The following HS3ST4 variants were observed in gnomAD, a reference collection of about 807,000 sequenced individuals.
HS3ST4 encodes the protein heparan sulfate glucosamine 3-O-sulfotransferase 4.
A neutral mutation model predicts 29.2 loss-of-function variants in HS3ST4; 17 were observed. That is an observed-to-expected ratio of 0.58 (90% CI 0.40 to 0.87). The LOEUF (loss-of-function observed/expected upper bound fraction) is 0.87. Ranked by LOEUF, HS3ST4 falls within the 40% of genes least tolerant of loss-of-function variation. HS3ST4 has a pLI of 0.00. For missense variants in HS3ST4, 627 were observed against 634.5 expected, an observed-to-expected ratio of 0.99 and a Z score of 0.13; for synonymous variants, 314 against 285.7, an observed-to-expected ratio of 1.10 and a Z score of -1.00.
chr16:25,925,150 C>G (rs1328661801), intron 1 of HS3ST4, among the ~76,000 whole-genome samples: 1 of 151,078 alleles, frequency 6.6e-6, no homozygotes, highest in East Asian at 1.9e-4. Flanking sequence ...ACACTGAGCT[C>G]CTACTTCTAC....
intron 1 of HS3ST4, among the ~76,000 whole-genome samples, chr16:26,040,001 A>G (rs1338153320): frequency 6.6e-6 from 1 of 152,224 alleles, no homozygotes; most frequent in Non-Finnish European, 1.5e-5. Context: ...AGACACCTAA[A>G]TGGGAAATGG....
chr16:25,986,071 C>A (rs1477794180), intron 1 of HS3ST4, among the ~76,000 whole-genome samples: 1 of 152,070 alleles, frequency 6.6e-6, no homozygotes, highest in Admixed American at 6.6e-5. Flanking sequence ...TCTACCCATC[C>A]TCTTGGTTTT....
At chr16:26,128,002 C>T (rs1055924154) in intron 1 of HS3ST4, among the ~76,000 whole-genome samples, 5 of 152,072 alleles carry the variant, frequency 3.3e-5, no homozygotes, top group African/African-American at 9.7e-5. Flanking sequence ...TCCCCTTCTC[C>T]TCCCATTCTT....
At chr16:25,853,221 A>C (rs551941123) in intron 1 of HS3ST4, among the ~76,000 whole-genome samples, 1 of 152,024 alleles carries the variant, frequency 6.6e-6, no homozygotes, top group Admixed American at 6.6e-5. Flanking sequence ...TGATTTTCGT[A>C]TGTTTATTTC....
intron 1 of HS3ST4, among the ~76,000 whole-genome samples, chr16:25,926,695 G>A (rs1015228043): frequency 2.0e-5 from 3 of 152,172 alleles, no homozygotes; most frequent in African/African-American, 2.4e-5. Context: ...AGACTGGGGC[G>A]AAGAAAAGAA....
chr16:25,716,574 G>A (rs1314207815), intron 1 of HS3ST4, among the ~76,000 whole-genome samples: 1 of 152,188 alleles, frequency 6.6e-6, no homozygotes, highest in African/African-American at 2.4e-5. Context: ...GGCTAAGACA[G>A]GCATACATTT....
intron 1 of HS3ST4, among the ~76,000 whole-genome samples, chr16:25,968,746 G>A (rs1968868800): frequency 6.6e-6 from 1 of 152,096 alleles, no homozygotes; most frequent in Non-Finnish European, 1.5e-5. Context: ...AGGAGGAGTT[G>A]ATGTCTTAAT....
chr16:25,891,133 A>G (rs1320963068), intron 1 of HS3ST4, among the ~76,000 whole-genome samples: 3 of 152,182 alleles, frequency 2.0e-5, no homozygotes, highest in African/African-American at 7.2e-5. Flanking sequence ...ATAAGAAGTG[A>G]TGGGGTAACG....
intron 1 of HS3ST4, among the ~76,000 whole-genome samples, chr16:25,772,564 G>A (rs538862988): frequency 4.5e-4 from 69 of 152,230 alleles, no homozygotes; most frequent in African/African-American, 1.6e-3. Flanking sequence ...TTTAGGGATT[G>A]AACAAATATT....
intron 1 of HS3ST4, among the ~76,000 whole-genome samples, chr16:25,828,301 C>CTTTCTTTCTCTCCCTCTCT (rs1555467593): frequency 9.1e-5 from 3 of 32,882 alleles, no homozygotes; most frequent in African/African-American, 1.3e-4. Flanking sequence ...TCTTTCTTTC[C>CTTTCTTTCTCTCCCTCTCT]CTCTCTCTCT....
At chr16:26,011,722 G>GTT (rs149776011) in intron 1 of HS3ST4, among the ~76,000 whole-genome samples, 1 of 150,048 alleles carries the variant, frequency 6.7e-6, no homozygotes, top group African/African-American at 2.5e-5. Context: ...GACAGAGAGA[G>GTT]GTGTGTGTGT....
rs1262987697 is a variant in HS3ST4 at position 25,735,375 on chromosome 16, CAT to C, written c.734+42225_734+42226del. 7.2e-5 allele frequency among the ~76,000 whole-genome samples: 11 copies of C among 152,094 alleles called. No individual in the cohort carries two copies. In the East Asian group the frequency reaches 1.9e-3, roughly 27 times the overall value. ...CTCTGCTCTGTGTTGACTCTGTTCT[CAT>C]GTGTACTTTTTCTTTTTTTTTTTTA... On this transcript the variant is annotated intron_variant, in intron 1 of 1. Transcript: ENST00000331351.
intron 1 of HS3ST4, among the ~76,000 whole-genome samples, chr16:25,827,968 G>A (rs777815728): frequency 1.3e-5 from 2 of 152,092 alleles, no homozygotes; most frequent in Non-Finnish European, 2.9e-5. Flanking sequence ...TTCTTTATGA[G>A]GAGAGGAGGT....
intron 1 of HS3ST4, among the ~76,000 whole-genome samples, chr16:25,828,294 T>G (rs1465688898): frequency 1.1e-4 from 5 of 45,120 alleles, no homozygotes; most frequent in African/African-American, 2.8e-4. Flanking sequence ...CTTTCTTTCT[T>G]TCTTTCCCTC....
chr16:25,817,433 T>A (rs1022910509), intron 1 of HS3ST4, among the ~76,000 whole-genome samples: 1 of 152,234 alleles, frequency 6.6e-6, no homozygotes, highest in African/African-American at 2.4e-5. Context: ...TCTGCTGTTA[T>A]AGTGTAAAAT....
rs142891423 is a variant in HS3ST4, at chr16:25,979,466, T to C, written c.735-156146T>C. Among the ~76,000 whole-genome samples, 7 of 152,250 alleles carry C rather than the reference T, an allele frequency of 4.6e-5. No homozygotes were observed. In the East Asian group the frequency reaches 5.8e-4, roughly 13 times the overall value. On this transcript the variant is annotated intron_variant, in intron 1 of 1. Coordinates refer to ENST00000331351, the MANE Select transcript of HS3ST4 (RefSeq NM_006040.3). The stretch of plus-strand genomic sequence containing the variant: ...GATCAGCAGAGGCATTAGATTCTCA[T>C]AGAAGCATGAACACTATTGTGAACT...
In HS3ST4 at chr16:25,835,672, G is replaced by T. The variant is rs13335690; in HGVS notation, c.734+142521G>T. Reference sequence around the variant, plus strand: ...TTGCTCAGGTCCAGTAAGTGGAGAAGTCAGAAGTCAAAATCAGGTCTGCAT... The same window carrying T: ...TTGCTCAGGTCCAGTAAGTGGAGAATTCAGAAGTCAAAATCAGGTCTGCAT... On this transcript the variant is annotated intron_variant, in intron 1 of 1. Coordinates refer to ENST00000331351, the MANE Select transcript of HS3ST4 (RefSeq NM_006040.3). 3.3e-3 allele frequency among the ~76,000 whole-genome samples: 498 copies of T among 152,328 alleles called. 2 individuals carry two copies. The highest frequency in any genetic ancestry group is 0.011 in the African/African-American group (460 of 41,580).
intron 1 of HS3ST4, among the ~76,000 whole-genome samples, chr16:25,750,511 T>A (rs1966712141): frequency 2.0e-5 from 3 of 152,222 alleles, no homozygotes; most frequent in Admixed American, 2.0e-4. Context: ...CCTTTGTGTC[T>A]AGATGTTGAC....
At chr16:25,805,400 T>G (rs1966980202) in intron 1 of HS3ST4, among the ~76,000 whole-genome samples, 1 of 152,210 alleles carries the variant, frequency 6.6e-6, no homozygotes, top group African/African-American at 2.4e-5. Context: ...ACTGCAGTCC[T>G]AAAGAAGGAA....
Sources: gnomAD v4.1 joint callset for allele counts (sites outside exome capture counted in the v4.1 genomes callset) on GRCh38, gnomAD v4.1.1 for gene constraint, MANE v1.5 for transcripts, NCBI Gene and HGNC (gene_info 2026-07-23, HGNC 2026-07-21) for gene names.